The following ADAMTS3 variants were observed in gnomAD, a reference collection of about 807,000 sequenced individuals.
ADAMTS3 encodes ADAM metallopeptidase with thrombospondin type 1 motif 3, also known as A disintegrin and metalloproteinase with thrombospondin motifs 3.
Under a neutral mutation model 129.0 loss-of-function variants are expected in ADAMTS3, and 73 were observed. The observed-to-expected ratio is 0.57, with a 90% CI of 0.47 to 0.69. The LOEUF is 0.69. Ranked by LOEUF, ADAMTS3 falls within the 30% of genes least tolerant of loss-of-function variation. The pLI, the probability that ADAMTS3 is intolerant of heterozygous loss-of-function variation, is 0.00. For missense variants in ADAMTS3, 1,457 were observed against 1,514.5 expected (o/e 0.96, Z 0.63); for synonymous variants, 477 against 510.8 (o/e 0.93, Z 0.89).
intron 3 of ADAMTS3, among the ~76,000 whole-genome samples, chr4:72,426,722 C>T (rs1722584248): frequency 6.6e-6 from 1 of 151,906 alleles, no homozygotes; most frequent in Admixed American, 6.6e-5. Context: ...CCTGTCTCTA[C>T]AAAAATAAAC....
intron 19 of ADAMTS3, among the ~76,000 whole-genome samples, chr4:72,293,372 T>C (rs539279920): frequency 6.6e-6 from 1 of 152,252 alleles, no homozygotes; most frequent in East Asian, 1.9e-4. Flanking sequence ...TTATCCTCTG[T>C]AGAATGTGAA....
At chr4:72,328,695 TA>T (rs71215423) in intron 5 of ADAMTS3, among the ~76,000 whole-genome samples, 85,409 of 151,770 alleles carry the variant, frequency 0.56, 28,002 homozygotes, top group Non-Finnish European at 0.75. Context: ...CTTGCAAATA[TA>T]AAAAAAAATT....
At chr4:72,394,634 G>T (rs140483046) in intron 4 of ADAMTS3, among the ~76,000 whole-genome samples, 4 of 152,102 alleles carry the variant, frequency 2.6e-5, no homozygotes, top group Non-Finnish European at 5.9e-5. Context: ...GTATTCTACC[G>T]ATTGAGGGGG....
intron 2 of ADAMTS3, among the ~76,000 whole-genome samples, chr4:72,559,214 G>A (rs975783744): frequency 4.6e-5 from 7 of 151,718 alleles, no homozygotes; most frequent in Non-Finnish European, 8.8e-5. Context: ...TGTGAACTAG[G>A]TTCCTGTCAC....
intron 17 of ADAMTS3, among the ~76,000 whole-genome samples, chr4:72,300,536 TGA>T (rs1718922706): frequency 6.6e-6 from 1 of 152,176 alleles, no homozygotes; most frequent in Admixed American, 6.6e-5. Context: ...TGGAACAGGA[TGA>T]GAGTCTAGAA....
intron 3 of ADAMTS3, among the ~76,000 whole-genome samples, chr4:72,469,996 A>G (rs1049714692): frequency 3.3e-5 from 5 of 152,266 alleles, no homozygotes; most frequent in African/African-American, 1.2e-4. Flanking sequence ...TTACATACAG[A>G]CATTTCACTG....
At chr4:72,492,317 T>C (rs965056577) in intron 3 of ADAMTS3, among the ~76,000 whole-genome samples, 4 of 151,686 alleles carry the variant, frequency 2.6e-5, no homozygotes, top group Non-Finnish European at 5.9e-5. Context: ...TAGCTTATTC[T>C]TGTTTTTCTA....
At chr4:72,312,815 T>C (rs1719278654) in intron 12 of ADAMTS3, among the ~76,000 whole-genome samples, 1 of 152,170 alleles carries the variant, frequency 6.6e-6, no homozygotes, top group Non-Finnish European at 1.5e-5. Context: ...ACTTTGGTCA[T>C]CGCTCCATGG....
chr4:72,399,719 T>C (rs1419000442), intron 4 of ADAMTS3, among the ~76,000 whole-genome samples: 1 of 148,358 alleles, frequency 6.7e-6, no homozygotes, highest in African/African-American at 2.5e-5. Flanking sequence ...TGTGTACGCA[T>C]ATGTGTGTAT....
chr4:72,400,181 GGTATGTATATGTGTGTATATAT>G (rs1560501681), intron 4 of ADAMTS3, among the ~76,000 whole-genome samples: 2 of 134,460 alleles, frequency 1.5e-5, no homozygotes, highest in Non-Finnish European at 1.6e-5. Flanking sequence ...ATGCACACAT[GGTATGTATATGTGTGTATATAT>G]GCACACATGG....
chr4:72,315,708 A>G (rs915699473), intron 11 of ADAMTS3, 150 bp downstream of exon 11: 19 of 523,498 alleles, frequency 3.6e-5, no homozygotes, highest in Admixed American at 7.6e-5. Flanking sequence ...GAACTAGTAC[A>G]CTATTTTAGT....
At chr4:72,484,683 C>T (rs1719531739) in intron 3 of ADAMTS3, among the ~76,000 whole-genome samples, 1 of 152,140 alleles carries the variant, frequency 6.6e-6, no homozygotes, top group Non-Finnish European at 1.5e-5. Context: ...TAGAAACTCC[C>T]ATGGATGGTG....
chr4:72,428,290 T>TA (rs970091201), intron 3 of ADAMTS3, among the ~76,000 whole-genome samples: 1 of 152,062 alleles, frequency 6.6e-6, no homozygotes, highest in African/African-American at 2.4e-5. Flanking sequence ...TTTTATTCAT[T>TA]AAAAAAACTC....
At position 72,475,022 on chromosome 4, in the gene ADAMTS3, G is replaced by A. The variant is rs575898949; in HGVS notation, c.505-60051C>T. ...AGCCTGGGCGACAGAGCGAGACTCCGTCTAAAAAAAAAAAAGAAAAAAGAA... is the reference window on the plus strand; with the variant it reads ...AGCCTGGGCGACAGAGCGAGACTCCATCTAAAAAAAAAAAAGAAAAAAGAA... On this transcript the variant is annotated intron_variant, in intron 3 of 21. Transcript: ENST00000286657. Among the ~76,000 whole-genome samples the A allele has an allele frequency of 2.1e-3, 302 of 146,900 alleles. 3 individuals are homozygous for A. Among genetic ancestry groups the A allele is most frequent in the African/African-American group, 7.4e-3 (294 of 39,940 alleles).
chr4:72,315,704 G>A (rs1719374868), intron 11 of ADAMTS3, among the ~76,000 whole-genome samples, 154 bp downstream of exon 11: 1 of 152,180 alleles, frequency 6.6e-6, no homozygotes, highest in Non-Finnish European at 1.5e-5. Context: ...CAGGGAACTA[G>A]TACACTATTT....
At chr4:72,484,563 G>C (rs1032461611) in intron 3 of ADAMTS3, among the ~76,000 whole-genome samples, 1 of 152,154 alleles carries the variant, frequency 6.6e-6, no homozygotes, top group Non-Finnish European at 1.5e-5. Context: ...ATGAAGCCAG[G>C]AAAATTCAGT....
chr4:72,451,718 A>G (rs2109970911), intron 3 of ADAMTS3, among the ~76,000 whole-genome samples: 1 of 151,986 alleles, frequency 6.6e-6, no homozygotes, highest in East Asian at 2.0e-4. Context: ...CATAAATTAT[A>G]TACGTTAAAG....
At chr4:72,444,876 C>T (rs867205132) in intron 3 of ADAMTS3, among the ~76,000 whole-genome samples, 3 of 151,572 alleles carry the variant, frequency 2.0e-5, no homozygotes, top group Admixed American at 6.6e-5. Flanking sequence ...TGAAAGGAAA[C>T]GAAGAACTGA....
chr4:72,531,412 C>G (rs954062850), intron 3 of ADAMTS3, among the ~76,000 whole-genome samples: 6 of 152,112 alleles, frequency 3.9e-5, no homozygotes, highest in African/African-American at 1.4e-4. Context: ...ACATATGATT[C>G]TGGAGCTCAG....
Sources: allele counts gnomAD v4.1 joint callset (sites outside exome capture counted in the v4.1 genomes callset), GRCh38; gene constraint gnomAD v4.1.1; transcripts MANE v1.5; gene names NCBI Gene and HGNC (gene_info 2026-07-23, HGNC 2026-07-21).